The following OXR1 variants were observed in gnomAD, a reference collection of about 807,000 sequenced individuals.
OXR1 encodes oxidation resistance protein 1.
In OXR1, 41 loss-of-function variants were observed where a neutral mutation model predicts 104.6. That is an observed-to-expected ratio of 0.39 (90% CI 0.31 to 0.51). The LOEUF is 0.51. Among genes scored for constraint, OXR1 ranks in the 20% least tolerant of loss-of-function variants. The probability of loss-of-function intolerance (pLI) is 0.77; values close to 1 mark genes in which losing one functional copy is unlikely to be tolerated. For missense variants in OXR1, 955 were observed against 1,031.9 expected (o/e 0.93, Z 1.02); for synonymous variants, 348 against 348.4 (o/e 1.00, Z 0.01).
At chr8:106,501,281 G>A (rs763435823) in intron 2 of OXR1, among the ~76,000 whole-genome samples, 13 of 152,178 alleles carry the variant, frequency 8.5e-5, no homozygotes, top group Non-Finnish European at 1.9e-4. Context: ...CTGCCACCAC[G>A]CCTGGCTTGA....
rs146607638 is a variant in OXR1 at position 106,706,473 on chromosome 8, G to A, written c.952G>A (p.Ala318Thr). 13 of 1,594,160 alleles carry A rather than the reference G, an allele frequency of 8.2e-6. No homozygotes were observed. In the African/African-American group the frequency reaches 1.4e-4, roughly 17 times the overall value. Reference protein sequence around the residue: ...TEEIDSRIRDAGNDSASTAPR... With the variant: ...TEEIDSRIRDTGNDSASTAPR... Reference sequence around the variant, plus strand: ...GGAAATAGACTCAAGAATCCGAGATGCAGGTAATGATAGTGCCAGCACTGC... The same window carrying A: ...GGAAATAGACTCAAGAATCCGAGATACAGGTAATGATAGTGCCAGCACTGC... The change falls in exon 9 of 17, where the codon GCA becomes ACA. Residue 318 changes from alanine to threonine, a missense_variant. Around this residue, in one of 2 missense-constraint regions of OXR1, gnomAD observed 849 missense variants for 852.9 expected, o/e 1.00. Coordinates refer to ENST00000517566, the MANE Select transcript of OXR1 (RefSeq NM_001198533.2).
chr8:106,625,186 A>G (rs1465793354), intron 3 of OXR1, among the ~76,000 whole-genome samples: 1 of 152,086 alleles, frequency 6.6e-6, no homozygotes, highest in Non-Finnish European at 1.5e-5. Flanking sequence ...TTCCCTCCCC[A>G]TACCCCACAT....
At chr8:106,675,154 C>A (rs1324348960) in intron 3 of OXR1, among the ~76,000 whole-genome samples, 2 of 152,044 alleles carry the variant, frequency 1.3e-5, no homozygotes, top group African/African-American at 4.8e-5. Flanking sequence ...ATAACATGGT[C>A]CCAATGTATA....
At chr8:106,726,773 T>G (rs1430388381) in intron 11 of OXR1, among the ~76,000 whole-genome samples, 1 of 152,156 alleles carries the variant, frequency 6.6e-6, no homozygotes, top group Non-Finnish European at 1.5e-5. Context: ...TTCAAAAAGT[T>G]TTCAGGCAAT....
chr8:106,369,562 G>A (rs1479030540), intron 2 of OXR1, among the ~76,000 whole-genome samples: 1 of 152,110 alleles, frequency 6.6e-6, no homozygotes, highest in Non-Finnish European at 1.5e-5. Flanking sequence ...TCCATCTTGA[G>A]TTAATTTTTT....
At chr8:106,284,944 C>T (rs1345894417) in intron 1 of OXR1, among the ~76,000 whole-genome samples, 1 of 152,002 alleles carries the variant, frequency 6.6e-6, no homozygotes, top group African/African-American at 2.4e-5. Flanking sequence ...GAAAAATAGT[C>T]CCTTATAGGG....
chr8:106,706,656 G>A lies in OXR1; in HGVS notation c.1135G>A (p.Glu379Lys). The A allele has an allele frequency of 1.2e-6, 2 of 1,613,592 alleles. No individual in the cohort carries two copies. The highest frequency in any genetic ancestry group is 1.7e-6 in the Non-Finnish European group (2 of 1,179,846). Residue 379 changes from glutamate to lysine, a missense_variant, in exon 9 of 17, where the codon GAA (glutamate) becomes AAA (lysine). Glu to Lys is a moderately conservative substitution (Grantham distance 56). Around this residue, in one of 2 missense-constraint regions of OXR1, gnomAD observed 849 missense variants for 852.9 expected, o/e 1.00. Transcript: ENST00000517566. ...SVQTVNQAEV[E>K]SLTVKSESTG... Reference sequence around the variant, plus strand: ...GCAAACTGTCAATCAGGCTGAAGTAGAAAGTCTGACAGTCAAATCAGAATC... The same window carrying A: ...GCAAACTGTCAATCAGGCTGAAGTAAAAAGTCTGACAGTCAAATCAGAATC...
chr8:106,289,403 C>G (rs748348584), intron 1 of OXR1, among the ~76,000 whole-genome samples: 1 of 152,166 alleles, frequency 6.6e-6, no homozygotes, highest in Non-Finnish European at 1.5e-5. Context: ...AGATCACAAT[C>G]CCATTTACAA....
At chr8:106,497,252 A>C (rs1328602131) in intron 2 of OXR1, among the ~76,000 whole-genome samples, 2 of 152,204 alleles carry the variant, frequency 1.3e-5, no homozygotes, top group Non-Finnish European at 2.9e-5. Flanking sequence ...ATACTTTAAC[A>C]CTAAATTGAC....
intron 2 of OXR1, among the ~76,000 whole-genome samples, chr8:106,446,020 C>A (rs2130600949): frequency 6.6e-6 from 1 of 152,308 alleles, no homozygotes; most frequent in African/African-American, 2.4e-5. Flanking sequence ...AGAACCCTTT[C>A]TTACTAGGCT....
At chr8:106,341,306 GA>G (rs1394875849) in intron 1 of OXR1, among the ~76,000 whole-genome samples, 1 of 151,144 alleles carries the variant, frequency 6.6e-6, no homozygotes, top group South Asian at 2.1e-4. Context: ...ATAAGATTGA[GA>G]AAAAAGGAAA....
chr8:106,508,011 T>A (rs2130005825), intron 2 of OXR1, among the ~76,000 whole-genome samples: 1 of 152,312 alleles, frequency 6.6e-6, no homozygotes, highest in South Asian at 2.1e-4. Flanking sequence ...GCCCTCAGCA[T>A]GTCCATCTTA....
chr8:106,641,881 T>A (rs1326468993), intron 3 of OXR1, among the ~76,000 whole-genome samples: 1 of 152,058 alleles, frequency 6.6e-6, no homozygotes, highest in Non-Finnish European at 1.5e-5. Flanking sequence ...ACAAGATGGA[T>A]GGGTGAGGCT....
chr8:106,341,332 A>G (rs1391150723), intron 1 of OXR1, among the ~76,000 whole-genome samples: 1 of 151,790 alleles, frequency 6.6e-6, no homozygotes, highest in African/African-American at 2.4e-5. Context: ...TTAAAATAGT[A>G]CATCTTTTTA....
At chr8:106,444,452 G>GT (rs1819927110) in intron 2 of OXR1, among the ~76,000 whole-genome samples, 1 of 152,170 alleles carries the variant, frequency 6.6e-6, no homozygotes, top group East Asian at 1.9e-4. Flanking sequence ...GTCCATCAAT[G>GT]ATAGACTGGA....
intron 2 of OXR1, among the ~76,000 whole-genome samples, chr8:106,372,958 A>G (rs1283134129): frequency 6.6e-6 from 1 of 152,248 alleles, no homozygotes; most frequent in East Asian, 1.9e-4. Context: ...CATGAGTTCC[A>G]TATTCATAGA....
At chr8:106,517,254 G>T (rs1009776740) in intron 2 of OXR1, among the ~76,000 whole-genome samples, 1 of 152,096 alleles carries the variant, frequency 6.6e-6, no homozygotes, top group Non-Finnish European at 1.5e-5. Context: ...AGTACTGCTT[G>T]TGTTTGGACT....
At chr8:106,446,587 C>T (rs1471086450) in intron 2 of OXR1, among the ~76,000 whole-genome samples, 1 of 150,794 alleles carries the variant, frequency 6.6e-6, no homozygotes, top group Non-Finnish European at 1.5e-5. Flanking sequence ...CACTGCACTC[C>T]AGGCTGGGCA....
rs147445859 is a variant in OXR1 at position 106,703,485 on chromosome 8, C to T, written c.860+395C>T. 2.3e-3 allele frequency among the ~76,000 whole-genome samples: 347 copies of T among 150,638 alleles called. 1 individual carries two copies. The highest frequency in any genetic ancestry group is 7.8e-3 in the African/African-American group (322 of 41,116). On this transcript the variant is annotated intron_variant, in intron 8 of 16. Transcript: ENST00000517566. ...TGTGATTTGAGAGAGGCCACATGAG[C>T]AAAGAGCTGACATTGCTGTGGGCAA... is the stretch of plus-strand genomic sequence containing the variant.
Sources: allele counts gnomAD v4.1 joint callset (sites outside exome capture counted in the v4.1 genomes callset), GRCh38; gene constraint gnomAD v4.1.1; regional missense constraint gnomAD v4.1.1; transcripts MANE v1.5; gene names NCBI Gene and HGNC (gene_info 2026-07-23, HGNC 2026-07-21).